PCDHGA1: variants seen among roughly 807,000 people sequenced by gnomAD.
PCDHGA1 encodes protocadherin gamma subfamily A, 1, also known as protocadherin gamma-A1.
In PCDHGA1, 32 loss-of-function variants were observed where a neutral mutation model predicts 58.0. The observed-to-expected ratio is 0.55, with a 90% CI of 0.42 to 0.74. The LOEUF (loss-of-function observed/expected upper bound fraction) is 0.74, where lower values mean the gene tolerates loss of function less well. Ranked by LOEUF, PCDHGA1 falls within the 30% of genes least tolerant of loss-of-function variation. The pLI is 0.00. For synonymous variants in PCDHGA1, 498 were observed against 501.1 expected (o/e 0.99, Z 0.08); for missense variants, 1,205 against 1,182.3 (o/e 1.02, Z -0.28).
At chr5:141,495,209 C>T (rs548415564) in intron 2 of PCDHGA1, among the ~76,000 whole-genome samples, 1 of 152,342 alleles carries the variant, frequency 6.6e-6, no homozygotes, top group Admixed American at 6.5e-5. Flanking sequence ...GCCTAACCCC[C>T]TCCCCTGAGT....
Position 141,490,563 on chromosome 5 carries a change from G to C in PCDHGA1, c.2422-4244G>C. On this transcript the variant is annotated intron_variant, in intron 1 of 3. Coordinates refer to ENST00000517417, the MANE Select transcript of PCDHGA1 (RefSeq NM_018912.3). This position sits in a 1 kb window ranked among gnomAD's most constrained non-coding sequence, Gnocchi z 5.4. ...CCCTACACAAACATCTCACCATCAG[G>C]CTCAACATTTCAGATGTCAATGACA... 1 of 1,614,022 alleles carries C rather than the reference G, an allele frequency of 6.2e-7. No individual in the cohort carries two copies. Among genetic ancestry groups the C allele is most frequent in the Non-Finnish European group, 8.5e-7 (1 of 1,180,008 alleles).
intron 1 of PCDHGA1, chr5:141,426,568 C>T: frequency 5.6e-6 from 2 of 354,402 alleles, no homozygotes; most frequent in Non-Finnish European, 5.6e-6. Flanking sequence ...TCGAGAGTCA[C>T]TGTCTTCAAA....
intron 1 of PCDHGA1, chr5:141,399,589 A>T: frequency 6.2e-7 from 1 of 1,613,984 alleles, no homozygotes; most frequent in Non-Finnish European, 8.5e-7. Context: ...CTACTCTATC[A>T]TGGCCAGCGA....
At chr5:141,352,363 C>T in intron 1 of PCDHGA1, 2 of 1,614,078 alleles carry the variant, frequency 1.2e-6, no homozygotes, top group South Asian at 2.2e-5. Context: ...TCTTTCTCCT[C>T]GCGGTGATTC....
chr5:141,455,314 T>G (rs565911988), intron 1 of PCDHGA1, among the ~76,000 whole-genome samples: 15 of 152,208 alleles, frequency 9.9e-5, no homozygotes, highest in African/African-American at 3.4e-4. Flanking sequence ...ATTAGCAATT[T>G]TGTGTGTGTG....
At chr5:141,364,576 C>T (rs1420937059) in intron 1 of PCDHGA1, 1 of 1,614,210 alleles carries the variant, frequency 6.2e-7, no homozygotes. Flanking sequence ...CGCGAAGCGG[C>T]AGCTTGGTCA....
rs1011341002 is a variant in PCDHGA1, at chr5:141,476,141, G to T, written c.2422-18666G>T. 1 of 1,610,048 alleles carries T rather than the reference G, an allele frequency of 6.2e-7. No individual in the cohort carries two copies. The highest frequency in any genetic ancestry group is 2.2e-5 in the East Asian group (1 of 44,844). On this transcript the variant is annotated intron_variant, in intron 1 of 3. Coordinates refer to ENST00000517417, the MANE Select transcript of PCDHGA1 (RefSeq NM_018912.3). The surrounding 1 kb of genome is among the most constrained non-coding windows in gnomAD (Gnocchi z 7.6). ...GATGGTCCCAGAGGCCTGGAGGAGC[G>T]GACTGGTAAGCACCGGGAGGGTAGT...
At chr5:141,500,876 A>G (rs909126749) in intron 2 of PCDHGA1, among the ~76,000 whole-genome samples, 1 of 124,952 alleles carries the variant, frequency 8.0e-6, no homozygotes, top group African/African-American at 3.5e-5. Flanking sequence ...ATTCATTTAC[A>G]ATTTTTTTTT....
rs751874380 is a variant in PCDHGA1 at position 141,486,055 on chromosome 5, C to A, written c.2422-8752C>A. ...CTGATCGTGTAAGAAACCTCTTTAG[C>A]CTGCACCCCACTACTGGAAAGCTTA... On this transcript the variant is annotated intron_variant, in intron 1 of 3. Transcript: ENST00000517417. The surrounding 1 kb of genome is among the most constrained non-coding windows in gnomAD (Gnocchi z 5.0). The A allele has an allele frequency of 6.2e-7, 1 of 1,614,170 alleles. No individual in the cohort carries two copies. Among genetic ancestry groups the A allele is most frequent in the South Asian group, 1.1e-5 (1 of 91,072 alleles).
chr5:141,451,860 C>T, intron 1 of PCDHGA1, among the ~76,000 whole-genome samples: 1 of 151,832 alleles, frequency 6.6e-6, no homozygotes, highest in Non-Finnish European at 1.5e-5. Flanking sequence ...CAGCCTAGGC[C>T]ACAGAATGAA....
At chr5:141,457,116 C>T (rs933634563) in intron 1 of PCDHGA1, among the ~76,000 whole-genome samples, 5 of 152,176 alleles carry the variant, frequency 3.3e-5, no homozygotes, top group Non-Finnish European at 7.3e-5. Flanking sequence ...AATACGACAG[C>T]AATGGAAACT....
intron 1 of PCDHGA1, chr5:141,383,078 C>G (rs749152940): frequency 2.5e-6 from 4 of 1,613,840 alleles, no homozygotes; most frequent in South Asian, 2.2e-5. Flanking sequence ...CGGGAGCTGG[C>G]GGAGCGCGGA....
In PCDHGA1 at chr5:141,490,506, C is replaced by T. The variant is rs967095367; in HGVS notation, c.2422-4301C>T. ...GGGAGGCCACATCCCACTATATCAT[C>T]GAGCTGCTGGCCAGCGATGCTGGTT... is the stretch of plus-strand genomic sequence containing the variant. On this transcript the variant is annotated intron_variant, in intron 1 of 3. Transcript: ENST00000517417. This position sits in a 1 kb window ranked among gnomAD's most constrained non-coding sequence, Gnocchi z 5.4. The T allele has an allele frequency of 1.2e-5, 19 of 1,614,116 alleles. No homozygotes were observed. The highest frequency in any genetic ancestry group is 2.2e-5 in the South Asian group (2 of 91,088).
rs2093981639 is a variant in PCDHGA1 at position 141,400,215 on chromosome 5, A to G, written c.2421+67110A>G. On this transcript the variant is annotated intron_variant, in intron 1 of 3. Transcript: ENST00000517417. ...TAGTGGTGGCCTTGGCCTTGATCTC[A>G]GTGCTCTTCCTCCTGGCCGTGATTC... 3 of 1,613,736 alleles carry G rather than the reference A, an allele frequency of 1.9e-6. No individual in the cohort carries two copies. The East Asian group carries it at 6.7e-5, about 36-fold the overall frequency.
chr5:141,399,543 C>T (rs2093831494), intron 1 of PCDHGA1: 3 of 1,614,042 alleles, frequency 1.9e-6, no homozygotes, highest in Non-Finnish European at 2.5e-6. Flanking sequence ...AAGTCTGCGC[C>T]TCGGACCTGG....
chr5:141,384,221 AG>A, intron 1 of PCDHGA1: 1 of 1,613,936 alleles, frequency 6.2e-7, no homozygotes. Flanking sequence ...ATATTCATGC[AG>A]GTGGCAGACA....
chr5:141,394,087 C>T, intron 1 of PCDHGA1: 2 of 1,613,888 alleles, frequency 1.2e-6, no homozygotes, highest in Non-Finnish European at 1.7e-6. Context: ...GTGATGGCCT[C>T]AGATCTAGGA....
At chr5:141,350,787 C>G in intron 1 of PCDHGA1, 3 of 1,613,992 alleles carry the variant, frequency 1.9e-6, no homozygotes, top group East Asian at 2.2e-5. Context: ...CAATACTTCT[C>G]TCTGTCAACG....
Position 141,431,858 on chromosome 5 carries a change from G to A in PCDHGA1, c.2422-62949G>A, listed in dbSNP as rs1421209596. The A allele has an allele frequency of 1.1e-5, 17 of 1,614,198 alleles. No individual in the cohort carries two copies. Among genetic ancestry groups the A allele is most frequent in the Non-Finnish European group, 1.4e-5 (17 of 1,180,020 alleles). On this transcript the variant is annotated intron_variant, in intron 1 of 3. Coordinates refer to ENST00000517417, the MANE Select transcript of PCDHGA1 (RefSeq NM_018912.3). The surrounding 1 kb of genome is among the most constrained non-coding windows in gnomAD (Gnocchi z 4.8). ...AAACTCTCCCAGAGGGACATTAATTGCCCTTTTAAATGTAAATGACCAAGA... is the reference window on the plus strand; with the variant it reads ...AAACTCTCCCAGAGGGACATTAATTACCCTTTTAAATGTAAATGACCAAGA...
Sources: allele counts gnomAD v4.1 joint callset (sites outside exome capture counted in the v4.1 genomes callset), GRCh38; gene constraint gnomAD v4.1.1; non-coding constraint Gnocchi (gnomAD v3.1); transcripts MANE v1.5; gene names NCBI Gene and HGNC (gene_info 2026-07-23, HGNC 2026-07-21).